The following ADAP1 variants were observed in gnomAD, a reference collection of about 807,000 sequenced individuals.
ADAP1 encodes the protein ArfGAP with dual PH domains 1, also known as arf-GAP with dual PH domain-containing protein 1.
ADAP1 carries 31 observed loss-of-function variants against 54.9 expected under a neutral mutation model. The observed-to-expected ratio is 0.56, with a 90% CI of 0.42 to 0.76. The LOEUF (loss-of-function observed/expected upper bound fraction) is 0.76. Ranked by LOEUF, ADAP1 falls within the 30% of genes least tolerant of loss-of-function variation. The pLI is 0.00. For missense variants in ADAP1, 535 were observed against 512.4 expected (o/e 1.04, Z -0.42); for synonymous variants, 313 against 202.6 (o/e 1.55, Z -4.63).
rs376130515 is a variant in ADAP1 at position 937,469 on chromosome 7, T to C, written c.83-1964A>G. 2.4e-3 allele frequency among the ~76,000 whole-genome samples: 43 copies of C among 18,146 alleles called. 6 individuals are homozygous for C. The highest frequency in any genetic ancestry group is 4.8e-3 in the African/African-American group (9 of 1,890). 11.9% of individuals were successfully genotyped at this position (18,146 alleles called of 152,430 possible). A position where few individuals can be genotyped will look rare whatever the true frequency, so the allele number is the denominator to read the frequency against. On this transcript the variant is annotated intron_variant, in intron 1 of 10. Coordinates refer to ENST00000265846, the MANE Select transcript of ADAP1 (RefSeq NM_006869.4). ...CCCGACCTTTGGGATTTGGGGGTCATGCCCGGCCTCTGGGATTTGGAGGTC... is the reference window on the plus strand; with the variant it reads ...CCCGACCTTTGGGATTTGGGGGTCACGCCCGGCCTCTGGGATTTGGAGGTC...
rs1209110561 is a variant in ADAP1 at position 926,486 on chromosome 7, C to G, written c.305+67G>C. ...ACCCAACTCCCCACCCTGCCGGGTC[C>G]TCCCGGGGCCATCTCGGAGCCACCC... On this transcript the variant is annotated intron_variant, in intron 3 of 10. Coordinates refer to ENST00000265846, the MANE Select transcript of ADAP1 (RefSeq NM_006869.4). The surrounding 1 kb of genome is among the most constrained non-coding windows in gnomAD (Gnocchi z 4.6). 1 of 1,389,938 alleles carries G rather than the reference C, an allele frequency of 7.2e-7. No individual in the cohort carries two copies. Among genetic ancestry groups the G allele is most frequent in the African/African-American group, 1.5e-5 (1 of 64,946 alleles). The allele number at this position is 1,389,938 out of a possible 1,614,324, so 86.1% of individuals were successfully genotyped here.
intron 9 of ADAP1, 64 bp from the exon 10 acceptor site, chr7:899,325 A>AGGACTC: frequency 6.2e-7 from 1 of 1,605,502 alleles, no homozygotes; most frequent in Non-Finnish European, 8.5e-7. Context: ...CACTCAGGCC[A>AGGACTC]GGACTCGGGA....
rs1847131838 is a variant in ADAP1 at position 946,133 on chromosome 7, C to T, written c.82+8263G>A. On this transcript the variant is annotated intron_variant, in intron 1 of 10. Coordinates refer to ENST00000265846, the MANE Select transcript of ADAP1 (RefSeq NM_006869.4). This position sits in a 1 kb window ranked among gnomAD's most constrained non-coding sequence, Gnocchi z 4.3. ...CGTGAGGCGGGGCATGCATGGCTGT[C>T]CCCCAGGCACACAGCGCCCCACTCC... Among the ~76,000 whole-genome samples, 1 of 152,180 alleles carries T rather than the reference C, an allele frequency of 6.6e-6. No individual in the cohort carries two copies. The highest frequency in any genetic ancestry group is 1.5e-5 in the Non-Finnish European group (1 of 68,028).
intron 1 of ADAP1, among the ~76,000 whole-genome samples, chr7:940,330 T>TCACACACACACA (rs56715852): frequency 3.6e-5 from 5 of 140,614 alleles, no homozygotes; most frequent in African/African-American, 1.4e-4. Context: ...ACAGACCCTG[T>TCACACACACACA]CACACACACA....
At chr7:937,124 A>ACCTCTGGGATTTGGGGGTCACGCCCGT (rs1846789030) in intron 1 of ADAP1, among the ~76,000 whole-genome samples, 2 of 43,442 alleles carry the variant, frequency 4.6e-5, no homozygotes, top group African/African-American at 2.5e-4. Flanking sequence ...GTCACGCCCG[A>ACCTCTGGGATTTGGGGGTCACGCCCGT]CCTCTGGGAT....
At chr7:953,202 C>A (rs924778587) in intron 1 of ADAP1, among the ~76,000 whole-genome samples, 1 of 152,228 alleles carries the variant, frequency 6.6e-6, no homozygotes, top group Non-Finnish European at 1.5e-5. Context: ...CCCACCGCAC[C>A]ATTGCACGGG....
intron 4 of ADAP1, among the ~76,000 whole-genome samples, chr7:910,408 C>T (rs1447920494): frequency 6.6e-6 from 1 of 152,142 alleles, no homozygotes; most frequent in East Asian, 1.9e-4. Flanking sequence ...CGCCACCACA[C>T]CCGGCTAAGT....
intron 2 of ADAP1, among the ~76,000 whole-genome samples, chr7:931,571 G>A (rs181865228): frequency 1.2e-4 from 19 of 152,234 alleles, no homozygotes; most frequent in East Asian, 3.9e-4. Flanking sequence ...TGGGCTGGGC[G>A]GGGGTAAGAG....
rs369235422 is a variant in ADAP1 at position 919,032 on chromosome 7, G to T, written c.388+936C>A. On this transcript the variant is annotated intron_variant, in intron 4 of 10. Transcript: ENST00000265846. Reference sequence around the variant, plus strand: ...GGTGGGGAGACCGAGGCTGGGGTGGGCTGGCCTCCCAGGCCCCCATGGCAC... The same window carrying T: ...GGTGGGGAGACCGAGGCTGGGGTGGTCTGGCCTCCCAGGCCCCCATGGCAC... 7.3e-3 allele frequency among the ~76,000 whole-genome samples: 1,105 copies of T among 152,186 alleles called. 16 individuals carry two copies. The highest frequency in any genetic ancestry group is 0.025 in the African/African-American group (1,038 of 41,518).
chr7:906,964 T>C, intron 4 of ADAP1, among the ~76,000 whole-genome samples: 1 of 151,996 alleles, frequency 6.6e-6, no homozygotes, highest in Non-Finnish European at 1.5e-5. Flanking sequence ...ACCCTCCCCA[T>C]CCTGAGTGGA....
rs1489687369 is a variant in ADAP1 at position 946,948 on chromosome 7, A to G, written c.82+7448T>C. Among the ~76,000 whole-genome samples the G allele has an allele frequency of 6.6e-6, 1 of 152,234 alleles. No homozygotes were observed. Among genetic ancestry groups the G allele is most frequent in the Non-Finnish European group, 1.5e-5 (1 of 68,042 alleles). On this transcript the variant is annotated intron_variant, in intron 1 of 10. Coordinates refer to ENST00000265846, the MANE Select transcript of ADAP1 (RefSeq NM_006869.4). This position sits in a 1 kb window ranked among gnomAD's most constrained non-coding sequence, Gnocchi z 4.3. Reference sequence around the variant, plus strand: ...GGAGTTCGAGACCAGCCTGGGCAACATAGTGAGACACCGCGACTCCATCCT... The same window carrying G: ...GGAGTTCGAGACCAGCCTGGGCAACGTAGTGAGACACCGCGACTCCATCCT...
At position 935,451 on chromosome 7, in the gene ADAP1, C is replaced by T. The variant is rs1368212963; in HGVS notation, c.137G>A (p.Gly46Glu). The T allele has an allele frequency of 5.8e-6, 9 of 1,561,244 alleles. No individual in the cohort carries two copies. Among genetic ancestry groups the T allele is most frequent in the Non-Finnish European group, 6.9e-6 (8 of 1,152,702 alleles). ...LGVFICLSCSGIHRNIPQVSK... is the reference protein window; with the variant it reads ...LGVFICLSCSEIHRNIPQVSK... ...GACCTGGGGGATATTCCGGTGGATT[C>T]CCGAGCAGCTCAGGCAGATGAAGAC... The change falls in exon 2 of 11, where the codon GGA becomes GAA. Residue 46 changes from glycine to glutamate, a missense_variant. Transcript: ENST00000265846.
chr7:905,325 C>T (rs1845085303), intron 4 of ADAP1, 153 bp from the exon 5 acceptor site: 1 of 491,786 alleles, frequency 2.0e-6, no homozygotes, highest in Non-Finnish European at 3.7e-6. Flanking sequence ...GGAGAGGGGA[C>T]ATGGAGGAGA....
chr7:919,861 G>GGGGA, intron 4 of ADAP1, 107 bp downstream of exon 4: 1 of 488,712 alleles, frequency 2.0e-6, no homozygotes, highest in Non-Finnish European at 3.6e-6. Context: ...GAAAGAGATG[G>GGGGA]GGGAGGGAGG....
chr7:902,074 C>A (rs1350746949), intron 6 of ADAP1, among the ~76,000 whole-genome samples: 1 of 152,152 alleles, frequency 6.6e-6, no homozygotes, highest in East Asian at 1.9e-4. Flanking sequence ...GGGGGCCAAG[C>A]GTCTGCCCTG....
intron 3 of ADAP1, among the ~76,000 whole-genome samples, chr7:924,987 C>CTT (rs1363616399): frequency 1.3e-5 from 2 of 151,976 alleles, no homozygotes; most frequent in African/African-American, 4.8e-5. Context: ...GTACGGGGGG[C>CTT]CAGGGCGCCA....
chr7:907,932 G>A (rs1845543496), intron 4 of ADAP1, among the ~76,000 whole-genome samples: 1 of 151,890 alleles, frequency 6.6e-6, no homozygotes, highest in African/African-American at 2.4e-5. Flanking sequence ...AGCATCCGTG[G>A]CCCCTCCAGG....
chr7:941,165 T>C (rs1212416966), intron 1 of ADAP1, among the ~76,000 whole-genome samples: 1 of 152,218 alleles, frequency 6.6e-6, no homozygotes, highest in Non-Finnish European at 1.5e-5. Context: ...TTCCCCAATT[T>C]GATATAGAGG....
At chr7:911,992 C>A (rs570164841) in intron 4 of ADAP1, among the ~76,000 whole-genome samples, 1 of 152,200 alleles carries the variant, frequency 6.6e-6, no homozygotes, top group Non-Finnish European at 1.5e-5. Flanking sequence ...CTGCGAGGAA[C>A]GGCTGGTGAT....
Sources: allele counts gnomAD v4.1 joint callset (sites outside exome capture counted in the v4.1 genomes callset), GRCh38; gene constraint gnomAD v4.1.1; non-coding constraint Gnocchi (gnomAD v3.1); transcripts MANE v1.5; gene names NCBI Gene and HGNC (gene_info 2026-07-23, HGNC 2026-07-21).